Variants in AGO2 observed in about 807,000 individuals in gnomAD.
AGO2 encodes argonaute RISC catalytic component 2, also known as protein argonaute-2.
In AGO2, 5 loss-of-function variants were observed where a neutral mutation model predicts 102.3. That is an observed-to-expected ratio of 0.05 (90% CI 0.03 to 0.10). The LOEUF is 0.10. Ranked by LOEUF, AGO2 falls within the 10% of genes least tolerant of loss-of-function variation. The probability of loss-of-function intolerance (pLI) is 1.00; values close to 1 mark genes in which losing one functional copy is unlikely to be tolerated. For missense variants in AGO2, 541 were observed against 1,183.7 expected, an observed-to-expected ratio of 0.46 and a Z score of 7.97; for synonymous variants, 449 against 473.1, an observed-to-expected ratio of 0.95 and a Z score of 0.66.
intron 1 of AGO2, among the ~76,000 whole-genome samples, chr8:140,613,179 G>A (rs911015778): frequency 1.4e-4 from 22 of 151,996 alleles, no homozygotes; most frequent in African/African-American, 3.9e-4. Context: ...CAGCCTGGGC[G>A]ACAGAGCAAG....
chr8:140,580,215 A>AC (rs1325607617), intron 2 of AGO2, among the ~76,000 whole-genome samples: 1 of 151,916 alleles, frequency 6.6e-6, no homozygotes, highest in Non-Finnish European at 1.5e-5. Context: ...ACCAAACCCC[A>AC]CCCCGGCAGC....
intron 1 of AGO2, among the ~76,000 whole-genome samples, chr8:140,606,765 C>A (rs1188782832): frequency 6.6e-6 from 1 of 151,280 alleles, no homozygotes; most frequent in Admixed American, 6.6e-5. Flanking sequence ...GGCAAAACCC[C>A]GTCTCTACTA....
Position 140,589,667 on chromosome 8 carries a change from T to G in AGO2, c.23-4356A>C, listed in dbSNP as rs765421851. On this transcript the variant is annotated intron_variant, in intron 1 of 18. Transcript: ENST00000220592. This position sits in a 1 kb window ranked among gnomAD's most constrained non-coding sequence, Gnocchi z 4.2. The stretch of plus-strand genomic sequence containing the variant: ...TGCAGGCCAAAGAAAGTGAGAAGGA[T>G]AGCTCAGGGCTGCTAAACACTTCTG... Among the ~76,000 whole-genome samples, 22 of 151,988 alleles carry G rather than the reference T, an allele frequency of 1.4e-4. No homozygotes were observed. Among genetic ancestry groups the G allele is most frequent in the Admixed American group, 2.0e-4 (3 of 15,274 alleles).
At chr8:140,566,287 T>C (rs373804221) in intron 3 of AGO2, among the ~76,000 whole-genome samples, 23 of 152,226 alleles carry the variant, frequency 1.5e-4, no homozygotes, top group East Asian at 7.7e-4. Context: ...GCTGCCGCCA[T>C]GTAAGAAGTG....
intron 12 of AGO2, among the ~76,000 whole-genome samples, chr8:140,548,079 G>A (rs2072933229): frequency 1.3e-5 from 2 of 152,222 alleles, no homozygotes; most frequent in Non-Finnish European, 2.9e-5. Flanking sequence ...ACTCTGGGAG[G>A]CCATGGCGGG....
At chr8:140,624,199 G>T (rs1426101384) in intron 1 of AGO2, among the ~76,000 whole-genome samples, 1 of 152,164 alleles carries the variant, frequency 6.6e-6, no homozygotes, top group Non-Finnish European at 1.5e-5. Flanking sequence ...GGTCTCGACT[G>T]GGTCACCCGG....
chr8:140,617,685 C>T (rs2074158454), intron 1 of AGO2, among the ~76,000 whole-genome samples: 1 of 152,218 alleles, frequency 6.6e-6, no homozygotes, highest in African/African-American at 2.4e-5. Context: ...CAGGAGCCCA[C>T]CCTCTGATCT....
intron 1 of AGO2, among the ~76,000 whole-genome samples, chr8:140,629,202 C>A (rs1343942055): frequency 1.3e-5 from 2 of 152,204 alleles, no homozygotes; most frequent in African/African-American, 4.8e-5. Context: ...AGAAACACTG[C>A]ACGAAACAGT....
intron 16 of AGO2, 79 bp from the exon 17 acceptor site, chr8:140,535,648 C>A: frequency 7.1e-7 from 1 of 1,400,774 alleles, no homozygotes; most frequent in Non-Finnish European, 1.0e-6. Context: ...GCCGCGCCGC[C>A]CGCTGGCCAG....
At chr8:140,635,281 CGG>C (rs2074391962) in intron 1 of AGO2, among the ~76,000 whole-genome samples, 1 of 144,756 alleles carries the variant, frequency 6.9e-6, no homozygotes, top group Non-Finnish European at 1.5e-5. Context: ...GCGTCCAACG[CGG>C]GGCCGAGAAA....
chr8:140,561,050 C>T (rs759578652), intron 4 of AGO2, among the ~76,000 whole-genome samples: 5 of 152,244 alleles, frequency 3.3e-5, no homozygotes, highest in South Asian at 4.1e-4. Flanking sequence ...CGGAGCTGCC[C>T]GCTGTGGGCT....
intron 3 of AGO2, among the ~76,000 whole-genome samples, chr8:140,565,983 AG>A (rs2073277491): frequency 6.6e-6 from 1 of 151,636 alleles, no homozygotes; most frequent in South Asian, 2.1e-4. Flanking sequence ...GGCTATAGTG[AG>A]CTGTGATTGT....
intron 1 of AGO2, among the ~76,000 whole-genome samples, chr8:140,614,854 A>ACTG (rs1193509814): frequency 6.6e-6 from 1 of 152,162 alleles, no homozygotes; most frequent in African/African-American, 2.4e-5. Context: ...GCCCTCGGTA[A>ACTG]CTGCTGCTGC....
At position 140,551,290 on chromosome 8, in the gene AGO2, G is replaced by A. The variant is rs765051986; in HGVS notation, c.1403+13C>T. 2 of 1,512,414 alleles carry A rather than the reference G, an allele frequency of 1.3e-6. No homozygotes were observed. Among genetic ancestry groups the A allele is most frequent in the Non-Finnish European group, 1.8e-6 (2 of 1,120,410 alleles). The allele number at this position is 1,512,414 out of a possible 1,614,324, so 93.7% of individuals were successfully genotyped here. A position where few individuals can be genotyped will look rare whatever the true frequency, so the allele number is the denominator to read the frequency against. On this transcript the variant is annotated intron_variant, in intron 11 of 18. Coordinates refer to ENST00000220592, the MANE Select transcript of AGO2 (RefSeq NM_012154.5). The stretch of plus-strand genomic sequence containing the variant: ...CACCCCCAGGCCGGAGCCTCTGCCT[G>A]TGGGGGGCTTACTTCAGATGGACTT...
Position 140,527,499 on chromosome 8 carries a change from A to G in AGO2, c.*4545T>C, listed in dbSNP as rs1258411712. 6.5e-6 allele frequency: 1 copy of G among 153,242 alleles called. No homozygotes were observed. The highest frequency in any genetic ancestry group is 2.4e-5 in the African/African-American group (1 of 41,462). 9.5% of individuals were successfully genotyped at this position (153,242 alleles called of 1,614,324 possible). A position where few individuals can be genotyped will look rare whatever the true frequency, so the allele number is the denominator to read the frequency against. On this transcript the variant is annotated 3_prime_UTR_variant, in exon 19 of 19. Coordinates refer to ENST00000220592, the MANE Select transcript of AGO2 (RefSeq NM_012154.5). The surrounding 1 kb of genome is among the most constrained non-coding windows in gnomAD (Gnocchi z 6.0). ...TTGAGTCGAAGATTTTCCTCATAAA[A>G]AAGAGTCAGCGTGTGTGTGTGTAAC... is the stretch of plus-strand genomic sequence containing the variant.
Position 140,530,512 on chromosome 8 carries a change from TAC to T in AGO2, c.*1530_*1531del, listed in dbSNP as rs1363933280. 6.6e-6 allele frequency: 1 copy of T among 152,294 alleles called. No homozygotes were observed. The highest frequency in any genetic ancestry group is 1.5e-5 in the Non-Finnish European group (1 of 68,062). 9.4% of individuals were successfully genotyped at this position (152,294 alleles called of 1,614,324 possible). A position where few individuals can be genotyped will look rare whatever the true frequency, so the allele number is the denominator to read the frequency against. On this transcript the variant is annotated 3_prime_UTR_variant, in exon 19 of 19. Coordinates refer to ENST00000220592, the MANE Select transcript of AGO2 (RefSeq NM_012154.5). ...GGATTTGAGTCTTACTAAAACTGTGTACAGAGACAAAAAGCCCACTCAGCACA... is the reference window on the plus strand; with the variant it reads ...GGATTTGAGTCTTACTAAAACTGTGTAGAGACAAAAAGCCCACTCAGCACA...
chr8:140,574,449 GATGGGGCCTCCCTTATGT>G (rs1045585191), intron 2 of AGO2, among the ~76,000 whole-genome samples: 1 of 152,006 alleles, frequency 6.6e-6, no homozygotes, highest in African/African-American at 2.4e-5. Context: ...TTTTTGTAGA[GATGGGGCCTCCCTTATGT>G]TGCTCAGGCT....
chr8:140,590,057 T>G (rs2073724826), intron 1 of AGO2, among the ~76,000 whole-genome samples: 1 of 152,122 alleles, frequency 6.6e-6, no homozygotes, highest in Non-Finnish European at 1.5e-5. Context: ...TCAGCCGGAG[T>G]GCAGACAACT....
At chr8:140,547,668 C>T in intron 12 of AGO2, 41 bp from the exon 13 acceptor site, 6 of 1,577,718 alleles carry the variant, frequency 3.8e-6, no homozygotes, top group Non-Finnish European at 4.3e-6. Context: ...GCCGGCGCCC[C>T]TTCCTCAGCT....
Sources: allele counts gnomAD v4.1 joint callset (sites outside exome capture counted in the v4.1 genomes callset), GRCh38; gene constraint gnomAD v4.1.1; non-coding constraint Gnocchi (gnomAD v3.1); transcripts MANE v1.5; gene names NCBI Gene and HGNC (gene_info 2026-07-23, HGNC 2026-07-21).